The following ATAD2B variants were observed in gnomAD, a reference collection of about 807,000 sequenced individuals.
ATAD2B encodes the protein ATPase family AAA domain-containing protein 2B.
In ATAD2B, 40 loss-of-function variants were observed where a neutral mutation model predicts 167.6. That is an observed-to-expected ratio of 0.24 (90% CI 0.19 to 0.31). The LOEUF (loss-of-function observed/expected upper bound fraction) is 0.31. Among genes scored for constraint, ATAD2B ranks in the 10% least tolerant of loss-of-function variants. The probability of loss-of-function intolerance (pLI) is 1.00; values close to 1 mark genes in which losing one functional copy is unlikely to be tolerated. For synonymous variants in ATAD2B, 579 were observed against 596.5 expected, an observed-to-expected ratio of 0.97 and a Z score of 0.43; for missense variants, 1,242 against 1,757.2, an observed-to-expected ratio of 0.71 and a Z score of 5.24.
chr2:23,737,055 C>G, the ATAD2B span, among the ~76,000 whole-genome samples: 1 of 152,336 alleles, frequency 6.6e-6, no homozygotes, highest in South Asian at 2.1e-4. Context: ...CCTGGAAGCT[C>G]GAACTGGATG....
rs2712088 is a variant in ATAD2B at position 23,781,960 on chromosome 2, G to T, written c.3133+909C>A. Among the ~76,000 whole-genome samples the T allele has an allele frequency of 1.6e-3, 248 of 152,090 alleles. 3 individuals are homozygous for T. Among genetic ancestry groups the T allele is most frequent in the African/African-American group, 4.4e-3 (182 of 41,492 alleles). On this transcript the variant is annotated intron_variant, in intron 22 of 27. Coordinates refer to ENST00000238789, the MANE Select transcript of ATAD2B (RefSeq NM_017552.4). ...CTCAAGTAGCTAGGACTACAAGTGC[G>T]CAACCACCACACACAGCTAATTTTT...
intron 17 of ATAD2B, among the ~76,000 whole-genome samples, chr2:23,816,792 T>C (rs1234442200): frequency 2.0e-5 from 3 of 152,200 alleles, no homozygotes; most frequent in Non-Finnish European, 4.4e-5. Context: ...ACCCTTATGG[T>C]AATATAAAGT....
At chr2:23,900,335 G>A (rs190541805) in intron 1 of ATAD2B, among the ~76,000 whole-genome samples, 92 of 152,136 alleles carry the variant, frequency 6.0e-4, no homozygotes, top group East Asian at 3.9e-4. Context: ...ACAAAGCGCC[G>A]GGATTACAAG....
At chr2:23,769,002 C>T (rs1023779661) in intron 22 of ATAD2B, among the ~76,000 whole-genome samples, 2 of 152,236 alleles carry the variant, frequency 1.3e-5, no homozygotes, top group East Asian at 1.9e-4. Context: ...GAAATATACA[C>T]GTTAATTTTC....
intron 22 of ATAD2B, among the ~76,000 whole-genome samples, chr2:23,778,687 TA>T (rs1163515055): frequency 6.6e-6 from 1 of 152,232 alleles, no homozygotes; most frequent in Non-Finnish European, 1.5e-5. Context: ...GGCAATTTCA[TA>T]AGGTTCAACC....
chr2:23,824,232 G>A (rs1687905833), intron 15 of ATAD2B, among the ~76,000 whole-genome samples: 1 of 152,162 alleles, frequency 6.6e-6, no homozygotes. Flanking sequence ...CAAGTGCTGG[G>A]ATTACAGGCC....
the ATAD2B span, chr2:23,695,566 C>A: frequency 8.1e-7 from 1 of 1,238,832 alleles, no homozygotes; most frequent in Admixed American, 2.3e-5. This position sits in a 1 kb window ranked among gnomAD's most constrained non-coding sequence, Gnocchi z 7.6. Flanking sequence ...TTCTTTCCGT[C>A]CGGGAGGTGG....
chr2:23,710,856 T>TG, the ATAD2B span, among the ~76,000 whole-genome samples: 1 of 152,194 alleles, frequency 6.6e-6, no homozygotes, highest in African/African-American at 2.4e-5. Context: ...ATCAGGGACT[T>TG]GAGCATCCAG....
chr2:23,913,350 T>A (rs557387975), intron 1 of ATAD2B, among the ~76,000 whole-genome samples: 380 of 152,284 alleles, frequency 2.5e-3, no homozygotes, highest in Non-Finnish European at 4.4e-3. Flanking sequence ...AAAATTCTAG[T>A]GGGGGCCAGG....
At chr2:23,787,610 T>C (rs1013148273) in intron 20 of ATAD2B, among the ~76,000 whole-genome samples, 8 of 151,890 alleles carry the variant, frequency 5.3e-5, no homozygotes, top group African/African-American at 1.9e-4. Flanking sequence ...ATTATTAAAA[T>C]GTTACATAAT....
the ATAD2B span, among the ~76,000 whole-genome samples, chr2:23,724,007 A>G: frequency 6.6e-6 from 1 of 152,260 alleles, no homozygotes; most frequent in Non-Finnish European, 1.5e-5. Context: ...TGTTAAGTGA[A>G]GTAAGCCAGG....
At chr2:23,863,056 T>C (rs1694653761) in intron 12 of ATAD2B, among the ~76,000 whole-genome samples, 1 of 152,134 alleles carries the variant, frequency 6.6e-6, no homozygotes, top group Admixed American at 6.5e-5. Context: ...GTATTAAATA[T>C]TCTAAAGAAA....
the ATAD2B span, among the ~76,000 whole-genome samples, chr2:23,740,288 T>A: frequency 6.6e-6 from 1 of 152,164 alleles, no homozygotes; most frequent in African/African-American, 2.4e-5. Flanking sequence ...TGAACATCGA[T>A]GTAAAAATCC....
intron 1 of ATAD2B, among the ~76,000 whole-genome samples, chr2:23,906,319 C>G (rs979677886): frequency 1.3e-5 from 2 of 151,020 alleles, no homozygotes; most frequent in African/African-American, 2.4e-5. Flanking sequence ...CCAGCCTGGG[C>G]AAGAGAGGAA....
chr2:23,710,361 G>A, the ATAD2B span, among the ~76,000 whole-genome samples: 1 of 152,296 alleles, frequency 6.6e-6, no homozygotes, highest in East Asian at 1.9e-4. Flanking sequence ...GAAAATAATT[G>A]TGAGGTAGTA....
chr2:23,853,789 T>C (rs548787591), intron 13 of ATAD2B, among the ~76,000 whole-genome samples: 2 of 152,208 alleles, frequency 1.3e-5, no homozygotes, highest in Non-Finnish European at 2.9e-5. Flanking sequence ...AAATGAACAT[T>C]AATCAAGACA....
rs1572616407 is a variant in ATAD2B, at chr2:23,751,668, C to A, written c.*378G>T. 2 of 222,258 alleles carry A rather than the reference C, an allele frequency of 9.0e-6. No individual in the cohort carries two copies. The highest frequency in any genetic ancestry group is 1.8e-5 in the Non-Finnish European group (2 of 114,244). The allele number at this position is 222,258 out of a possible 1,614,324, so 13.8% of individuals were successfully genotyped here. On this transcript the variant is annotated 3_prime_UTR_variant, in exon 28 of 28. Coordinates refer to ENST00000238789, the MANE Select transcript of ATAD2B (RefSeq NM_017552.4). The stretch of plus-strand genomic sequence containing the variant: ...TGCCCACTGTTTAAACAATTCAACA[C>A]AGTTAGAACTGCCCCCATCCAGTTT...
At chr2:23,816,933 G>C (rs998089422) in intron 17 of ATAD2B, among the ~76,000 whole-genome samples, 4 of 152,132 alleles carry the variant, frequency 2.6e-5, no homozygotes, top group Admixed American at 6.6e-5. Flanking sequence ...ACTATTCCCA[G>C]AAATTCACCA....
chr2:23,771,004 C>G (rs1394349751), intron 22 of ATAD2B, among the ~76,000 whole-genome samples: 4 of 152,128 alleles, frequency 2.6e-5, no homozygotes, highest in Non-Finnish European at 5.9e-5. Flanking sequence ...TCTTCTTTAT[C>G]TCACTAATAT....
Sources: gnomAD v4.1 joint callset for allele counts (sites outside exome capture counted in the v4.1 genomes callset) on GRCh38, gnomAD v4.1.1 for gene constraint, Gnocchi (gnomAD v3.1) non-coding constraint, MANE v1.5 for transcripts, NCBI Gene and HGNC (gene_info 2026-07-23, HGNC 2026-07-21) for gene names.